Variants in USP24 observed in about 807,000 individuals in gnomAD.
USP24 encodes ubiquitin carboxyl-terminal hydrolase 24.
A neutral mutation model predicts 361.6 loss-of-function variants in USP24; 97 were observed. That is an observed-to-expected ratio of 0.27 (90% CI 0.23 to 0.32). The LOEUF (loss-of-function observed/expected upper bound fraction) is 0.32. Among genes scored for constraint, USP24 ranks in the 10% least tolerant of loss-of-function variants. The pLI, the probability that USP24 is intolerant of heterozygous loss-of-function variation, is 1.00. For missense variants in USP24, 2,353 were observed against 3,165.6 expected (o/e 0.74, Z 6.16); for synonymous variants, 1,098 against 1,124.6 (o/e 0.98, Z 0.47).
chr1:55,168,638 C>T (rs180914651), intron 5 of USP24, among the ~76,000 whole-genome samples: 176 of 152,178 alleles, frequency 1.2e-3, no homozygotes, highest in Non-Finnish European at 2.1e-3. Context: ...AGGGCTACAT[C>T]CTTGGTGTCA....
chr1:55,075,510 G>C lies in USP24; in HGVS notation c.7394C>G (p.Pro2465Arg), dbSNP rs775965464. ...AAATTTGACTCGCTCTACTTGTATAGGATCTTCAATAACCTGGGAAAGGAA... is the reference window on the plus strand; with the variant it reads ...AAATTTGACTCGCTCTACTTGTATACGATCTTCAATAACCTGGGAAAGGAA... The part of the protein sequence containing the change: ...LLHEILVIED[P>R]IQVERVKFVF... Residue 2465 changes from proline (P) to arginine (R), a missense_variant, in exon 63 of 68, where the codon CCT becomes CGT. Around this residue, in one of 8 missense-constraint regions of USP24, gnomAD observed 598 missense variants for 761.9 expected, o/e 0.78. Transcript: ENST00000294383. 6.3e-7 allele frequency: 1 copy of C among 1,599,786 alleles called. No individual in the cohort carries two copies. The highest frequency in any genetic ancestry group is 1.3e-5 in the African/African-American group (1 of 74,826).
At chr1:55,096,395 A>C in intron 50 of USP24, 103 bp downstream of exon 50, 1 of 1,025,932 alleles carries the variant, frequency 9.7e-7, no homozygotes, top group East Asian at 3.1e-5. Flanking sequence ...GTACAATAAA[A>C]ATAACAAAAT....
intron 39 of USP24, among the ~76,000 whole-genome samples, chr1:55,109,841 A>G (rs1645898914): frequency 6.6e-6 from 1 of 152,238 alleles, no homozygotes; most frequent in African/African-American, 2.4e-5. Flanking sequence ...CGCAACAAAG[A>G]GTCCCTCTTT....
chr1:55,188,571 C>T (rs1285932223), intron 1 of USP24, among the ~76,000 whole-genome samples: 1 of 151,784 alleles, frequency 6.6e-6, no homozygotes, highest in African/African-American at 2.4e-5. Context: ...AAGATACAAG[C>T]GGTTCACAAA....
At chr1:55,088,105 G>A (rs1231935834) in intron 55 of USP24, among the ~76,000 whole-genome samples, 2 of 152,218 alleles carry the variant, frequency 1.3e-5, no homozygotes. Context: ...ACAGGATTCC[G>A]CTGAAGAATT....
At chr1:55,107,215 G>A (rs201210932) in intron 40 of USP24, 24 bp downstream of exon 40, 1 of 1,596,166 alleles carries the variant, frequency 6.3e-7, no homozygotes, top group African/African-American at 1.3e-5. Context: ...AATCTGCCAT[G>A]TGATAAGATG....
chr1:55,162,232 C>T lies in USP24; in HGVS notation c.960G>A (p.Val320=). 6.3e-7 allele frequency: 1 copy of T among 1,596,396 alleles called. No individual in the cohort carries two copies. Among genetic ancestry groups the T allele is most frequent in the Non-Finnish European group, 8.5e-7 (1 of 1,172,654 alleles). The change falls in exon 8 of 68, where the codon GTG becomes GTA. Residue 320 remains valine, a synonymous_variant. Coordinates refer to ENST00000294383, the MANE Select transcript of USP24 (RefSeq NM_015306.3). ...CGGAGGAATTGAGGTACTCTGCACA[C>T]ACTCCTAAGGGCTGAATCAGTGCTG... ...AVSALIQPLG[V]CAEYLNSSVV...
At chr1:55,188,985 A>AAAAAAAAAAAAAAG (rs1644213471) in intron 1 of USP24, among the ~76,000 whole-genome samples, 1 of 112,794 alleles carries the variant, frequency 8.9e-6, no homozygotes, top group African/African-American at 2.9e-5. Context: ...AAAAAAAAAA[A>AAAAAAAAAAAAAAG]AAAAAAAAAA....
intron 1 of USP24, among the ~76,000 whole-genome samples, chr1:55,191,011 T>C (rs946651900): frequency 1.3e-5 from 2 of 152,238 alleles, no homozygotes; most frequent in African/African-American, 4.8e-5. Flanking sequence ...TGAAAAATAA[T>C]TTTTATAAAA....
At chr1:55,110,972 T>C (rs1202985254) in intron 38 of USP24, among the ~76,000 whole-genome samples, 16 of 152,064 alleles carry the variant, frequency 1.1e-4, no homozygotes, top group Admixed American at 7.2e-4. Flanking sequence ...GAGGAGAATA[T>C]ATAATGAACC....
chr1:55,183,453 T>C (rs1012159954), intron 1 of USP24, among the ~76,000 whole-genome samples: 1 of 152,196 alleles, frequency 6.6e-6, no homozygotes, highest in Non-Finnish European at 1.5e-5. Flanking sequence ...AGGTTACTTC[T>C]CTGTAAATGT....
intron 21 of USP24, 82 bp from the exon 22 acceptor site, chr1:55,143,201 T>C: frequency 9.4e-7 from 1 of 1,068,886 alleles, no homozygotes; most frequent in South Asian, 1.9e-5. Context: ...TTTTGTTACA[T>C]CATGAGTCCA....
chr1:55,131,324 A>G (rs550297483), intron 31 of USP24, among the ~76,000 whole-genome samples: 14 of 152,208 alleles, frequency 9.2e-5, no homozygotes, highest in Admixed American at 3.9e-4. Flanking sequence ...TGTAAAATAT[A>G]ATCTAAATAG....
intron 38 of USP24, among the ~76,000 whole-genome samples, chr1:55,112,970 T>C (rs1645997978): frequency 6.6e-6 from 1 of 152,194 alleles, no homozygotes; most frequent in Admixed American, 6.5e-5. Flanking sequence ...CATATATATT[T>C]AGGATAGTTA....
chr1:55,179,804 T>G (rs1267551957), intron 1 of USP24, among the ~76,000 whole-genome samples: 1 of 152,172 alleles, frequency 6.6e-6, no homozygotes, highest in African/African-American at 2.4e-5. Flanking sequence ...TCTACTTCTG[T>G]CCATCTCCAC....
At position 55,097,335 on chromosome 1, in the gene USP24, C is replaced by T. The variant is rs554733462; in HGVS notation, c.5716-163G>A. On this transcript the variant is annotated intron_variant, in intron 48 of 67. Coordinates refer to ENST00000294383, the MANE Select transcript of USP24 (RefSeq NM_015306.3). ...ATCTCAGAAATGTTAAGTCTGGGAA[C>T]GTCTAAAGTAGCCTCTGGTTTGAGC... Among the ~76,000 whole-genome samples, 6 of 152,254 alleles carry T rather than the reference C, an allele frequency of 3.9e-5. No homozygotes were observed. In the East Asian group the frequency reaches 5.8e-4, roughly 15 times the overall value.
chr1:55,120,723 G>C lies in USP24; in HGVS notation c.4381C>G (p.Leu1461Val), dbSNP rs375675238. 16 of 1,576,442 alleles carry C rather than the reference G, an allele frequency of 1.0e-5. No homozygotes were observed. The highest frequency in any genetic ancestry group is 1.8e-5 in the Admixed American group (1 of 54,626). Reference protein sequence around the residue: ...RRVACDQLYTLSQTDTSAHPD... With the variant: ...RRVACDQLYTVSQTDTSAHPD... ...TGCGCTGATGTGTCTGTCTGACTAA[G>C]AGTGTACAGCTGATCACAGGCAACC... The change falls in exon 38 of 68, where the codon CTT (leucine) becomes GTT (valine). Residue 1461 changes from leucine to valine, a missense_variant. This residue lies in a region of USP24 where 949 missense variants were observed against 1,280.5 expected (regional missense o/e 0.74). Transcript: ENST00000294383.
chr1:55,071,470 A>G (rs1275152567), intron 67 of USP24: 9 of 1,043,324 alleles, frequency 8.6e-6, no homozygotes, highest in Non-Finnish European at 1.0e-5. Context: ...TGGTGAGAGC[A>G]AACGAGGGAC....
intron 5 of USP24, among the ~76,000 whole-genome samples, chr1:55,170,448 G>A (rs1343725250): frequency 6.6e-6 from 1 of 152,214 alleles, no homozygotes; most frequent in Non-Finnish European, 1.5e-5. Flanking sequence ...CACATCTGAA[G>A]AGAAGAGTTT....
Sources: allele counts gnomAD v4.1 joint callset (sites outside exome capture counted in the v4.1 genomes callset), GRCh38; gene constraint gnomAD v4.1.1; regional missense constraint gnomAD v4.1.1; transcripts MANE v1.5; gene names NCBI Gene and HGNC (gene_info 2026-07-23, HGNC 2026-07-21).